Variants in LRP1 observed in about 807,000 individuals in gnomAD.
LRP1 encodes prolow-density lipoprotein receptor-related protein 1.
A neutral mutation model predicts 541.5 loss-of-function variants in LRP1; 51 were observed. The observed-to-expected ratio is 0.09, with a 90% confidence interval of 0.08 to 0.12. The LOEUF is 0.12. Among genes scored for constraint, LRP1 ranks in the 10% least tolerant of loss-of-function variants. The pLI, the probability that LRP1 is intolerant of heterozygous loss-of-function variation, is 1.00. For missense variants in LRP1, 3,878 were observed against 6,376.2 expected (o/e 0.61, Z 13.34); for synonymous variants, 2,219 against 2,470.8 (o/e 0.90, Z 3.02).
At chr12:57,133,932 G>T (rs879618208) in intron 1 of LRP1, among the ~76,000 whole-genome samples, 10 of 152,054 alleles carry the variant, frequency 6.6e-5, no homozygotes, top group South Asian at 2.1e-4. Flanking sequence ...GTTGGACTTC[G>T]CTGTCACCCT....
chr12:57,156,070 T>C lies in LRP1; in HGVS notation c.1228-24T>C. 1 of 1,605,958 alleles carries C rather than the reference T, an allele frequency of 6.2e-7. No individual in the cohort carries two copies. Among genetic ancestry groups the C allele is most frequent in the Non-Finnish European group, 8.5e-7 (1 of 1,174,642 alleles). The stretch of plus-strand genomic sequence containing the variant: ...GAGGAACCCCTGTCATCTCATGCTG[T>C]CCATTCTTGCCTGCCCGTCTCAGAT... On this transcript the variant is annotated intron_variant, in intron 8 of 88. Coordinates refer to ENST00000243077, the MANE Select transcript of LRP1 (RefSeq NM_002332.3). The surrounding 1 kb of genome is among the most constrained non-coding windows in gnomAD (Gnocchi z 5.2).
At position 57,178,227 on chromosome 12, in the gene LRP1, T is replaced by A. The variant is rs2036089243; in HGVS notation, c.4362-132T>A. The A allele has an allele frequency of 9.4e-7, 1 of 1,069,276 alleles. No individual in the cohort carries two copies. The highest frequency in any genetic ancestry group is 1.3e-6 in the Non-Finnish European group (1 of 746,258). The allele number at this position is 1,069,276 out of a possible 1,614,324, so 66.2% of individuals were successfully genotyped here. A position where few individuals can be genotyped will look rare whatever the true frequency, so the allele number is the denominator to read the frequency against. On this transcript the variant is annotated intron_variant, in intron 26 of 88. Coordinates refer to ENST00000243077, the MANE Select transcript of LRP1 (RefSeq NM_002332.3). The surrounding 1 kb of genome is among the most constrained non-coding windows in gnomAD (Gnocchi z 5.8). ...GTCTGTCTGCTCTGGCCAGCAAGGC[T>A]TAGGGGAGGGAATGGTCCCATGCTC...
intron 20 of LRP1, among the ~76,000 whole-genome samples, chr12:57,170,463 G>A (rs781621245): frequency 1.3e-5 from 2 of 151,852 alleles, no homozygotes; most frequent in Non-Finnish European, 2.9e-5. Flanking sequence ...AGGATCACTT[G>A]AGGCCAGGGG....
Position 57,143,706 on chromosome 12 carries a change from G to T in LRP1, c.356G>T (p.Gly119Val), listed in dbSNP as rs927719605. ...CTCCAAGGCAACTGCTCTCGCCTGG[G>T]CTGCCAGCACCATTGTGTCCCCACA... The part of the protein sequence containing the change: ...RELQGNCSRL[G>V]CQHHCVPTLD... Residue 119 changes from glycine to valine, a missense_variant, in exon 4 of 89, where the codon GGC becomes GTC. Coordinates refer to ENST00000243077, the MANE Select transcript of LRP1 (RefSeq NM_002332.3). The T allele has an allele frequency of 1.2e-6, 2 of 1,613,948 alleles. No homozygotes were observed. The highest frequency in any genetic ancestry group is 1.7e-6 in the Non-Finnish European group (2 of 1,179,924).
chr12:57,136,395 G>GGCCCC (rs1555179757), intron 1 of LRP1, among the ~76,000 whole-genome samples: 7 of 99,122 alleles, frequency 7.1e-5, no homozygotes, highest in Admixed American at 4.0e-4. Context: ...CCTCCTAAGA[G>GGCCCC]CCCCCCCCCC....
chr12:57,199,186 A>G (rs138187529), intron 60 of LRP1, 26 bp from the exon 61 acceptor site: 1 of 1,606,766 alleles, frequency 6.2e-7, no homozygotes, highest in Non-Finnish European at 8.5e-7. Flanking sequence ...GCTGACTGGC[A>G]CTGTGCCTGC....
chr12:57,209,764 T>C lies in LRP1; in HGVS notation c.12335T>C (p.Val4112Ala), dbSNP rs1195621065. The C allele has an allele frequency of 2.5e-6, 4 of 1,614,210 alleles. No homozygotes were observed. In the South Asian group the frequency reaches 4.4e-5, roughly 18 times the overall value. The stretch of plus-strand genomic sequence containing the variant: ...GGTGTCACCTACATCAATAATCGTG[T>C]CTTCAAGATCCATAAGTTTGGCCAC... Reference protein sequence around the residue: ...IYGVTYINNRVFKIHKFGHSP... With the variant: ...IYGVTYINNRAFKIHKFGHSP... Residue 4112 changes from valine to alanine, a missense_variant, in exon 80 of 89, where the codon GTC becomes GCC. By Grantham distance (64) the Val-to-Ala change is moderately conservative. Around this residue, in one of 13 missense-constraint regions of LRP1, gnomAD observed 871 missense variants for 1,212.4 expected, o/e 0.72. Coordinates refer to ENST00000243077, the MANE Select transcript of LRP1 (RefSeq NM_002332.3).
intron 1 of LRP1, among the ~76,000 whole-genome samples, chr12:57,135,592 A>G (rs1326486592): frequency 1.3e-5 from 2 of 152,158 alleles, no homozygotes; most frequent in Non-Finnish European, 2.9e-5. Flanking sequence ...CAGCCCTGAC[A>G]GGAAGTTCTT....
intron 77 of LRP1, 31 bp from the exon 78 acceptor site, chr12:57,208,680 C>G: frequency 6.8e-7 from 1 of 1,467,106 alleles, no homozygotes; most frequent in Non-Finnish European, 9.5e-7. Context: ...GCCCTCCGGC[C>G]TGCCCACACT....
intron 2 of LRP1, among the ~76,000 whole-genome samples, chr12:57,140,109 T>A (rs2035257234): frequency 6.6e-6 from 1 of 152,196 alleles, no homozygotes; most frequent in African/African-American, 2.4e-5. Context: ...AACCTTTTTT[T>A]TTTTCTTTTT....
chr12:57,207,242 C>CTAAATAAATAAATAAATAAA (rs60649994), intron 76 of LRP1, among the ~76,000 whole-genome samples: 2 of 134,508 alleles, frequency 1.5e-5, no homozygotes, highest in Non-Finnish European at 3.1e-5. Flanking sequence ...GACTCGGTCT[C>CTAAATAAATAAATAAATAAA]TAAATAAATA....
intron 70 of LRP1, chr12:57,203,798 G>C: frequency 2.2e-6 from 1 of 452,174 alleles, no homozygotes; most frequent in South Asian, 3.7e-5. Flanking sequence ...AAACCCTGAG[G>C]GCTGTGCCCA....
At chr12:57,175,428 C>A in intron 22 of LRP1, 32 bp from the exon 23 acceptor site, 1 of 1,609,856 alleles carries the variant, frequency 6.2e-7, no homozygotes, top group Non-Finnish European at 8.5e-7. Context: ...GCTTCTGACC[C>A]TGGGTCTGTT....
Position 57,185,537 on chromosome 12 carries a change from A to G in LRP1, c.6470A>G (p.Asn2157Ser), listed in dbSNP as rs759234211. The part of the protein sequence containing the change: ...VFNRDRQKGT[N>S]VCAVANGGCQ... ...GTACCCTCCCCTCCCCCAGGCACCA[A>G]CGTGTGCGCGGTGGCCAATGGCGGG... The change falls in exon 41 of 89, where the codon AAC (asparagine) becomes AGC (serine). Residue 2157 changes from asparagine (N) to serine (S), a missense_variant. Coordinates refer to ENST00000243077, the MANE Select transcript of LRP1 (RefSeq NM_002332.3). This position sits in a 1 kb window ranked among gnomAD's most constrained non-coding sequence, Gnocchi z 4.9. 1 of 1,587,810 alleles carries G rather than the reference A, an allele frequency of 6.3e-7. No homozygotes were observed. The highest frequency in any genetic ancestry group is 8.6e-7 in the Non-Finnish European group (1 of 1,164,178).
At chr12:57,198,978 G>A (rs2036592551) in intron 60 of LRP1, among the ~76,000 whole-genome samples, 1 of 152,202 alleles carries the variant, frequency 6.6e-6, no homozygotes, top group South Asian at 2.1e-4. Context: ...CCCACTTCCC[G>A]AGGGGAGCCA....
chr12:57,191,629 C>T (rs1378540934), intron 44 of LRP1, 117 bp downstream of exon 44: 5 of 825,066 alleles, frequency 6.1e-6, no homozygotes, highest in Non-Finnish European at 9.2e-6. Context: ...ACCACACACA[C>T]ACATCCCACA....
rs753941750 is a variant in LRP1, at chr12:57,201,557, G to A, written c.10406G>A (p.Arg3469Gln). Residue 3469 changes from arginine to glutamine, a missense_variant, in exon 66 of 89, where the codon CGG (arginine) becomes CAG (glutamine). Coordinates refer to ENST00000243077, the MANE Select transcript of LRP1 (RefSeq NM_002332.3). The surrounding 1 kb of genome is among the most constrained non-coding windows in gnomAD (Gnocchi z 6.4). ...QCSITKRCIP[R>Q]VWVCDRDNDC... Reference sequence around the variant, plus strand: ...TCCATTACCAAACGGTGCATCCCCCGGGTCTGGGTCTGCGACCGGGACAAT... The same window carrying A: ...TCCATTACCAAACGGTGCATCCCCCAGGTCTGGGTCTGCGACCGGGACAAT... The A allele has an allele frequency of 1.2e-6, 2 of 1,614,006 alleles. No homozygotes were observed. The highest frequency in any genetic ancestry group is 8.5e-7 in the Non-Finnish European group (1 of 1,180,004).
chr12:57,159,555 G>T, intron 11 of LRP1, among the ~76,000 whole-genome samples: 1 of 152,330 alleles, frequency 6.6e-6, no homozygotes, highest in East Asian at 1.9e-4. Context: ...GCCCTCACAC[G>T]AGAGCCCACA....
intron 6 of LRP1, among the ~76,000 whole-genome samples, chr12:57,145,936 C>T (rs570987679): frequency 2.6e-5 from 4 of 152,228 alleles, no homozygotes; most frequent in South Asian, 2.1e-4. Context: ...TCGTTTCCCT[C>T]GGGGACCATT....
Sources: allele counts gnomAD v4.1 joint callset (sites outside exome capture counted in the v4.1 genomes callset), GRCh38; gene constraint gnomAD v4.1.1; regional missense constraint gnomAD v4.1.1; non-coding constraint Gnocchi (gnomAD v3.1); transcripts MANE v1.5; gene names NCBI Gene and HGNC (gene_info 2026-07-23, HGNC 2026-07-21).